Variants in SRBD1 observed in about 807,000 individuals in gnomAD.
SRBD1 encodes S1 RNA binding domain 1.
In SRBD1, 88 loss-of-function variants were observed where a neutral mutation model predicts 115.3. That is an observed-to-expected ratio of 0.76 (90% CI 0.64 to 0.91). The LOEUF (loss-of-function observed/expected upper bound fraction) is 0.91, where lower values mean the gene tolerates loss of function less well. Ranked by LOEUF, SRBD1 falls within the 40% of genes least tolerant of loss-of-function variation. The pLI is 0.00. For missense variants in SRBD1, 1,385 were observed against 1,177.4 expected, an observed-to-expected ratio of 1.18 and a Z score of -2.58; for synonymous variants, 509 against 407.7, an observed-to-expected ratio of 1.25 and a Z score of -2.99.
rs375141319 is a variant in SRBD1, at chr2:45,562,679, T to C, written c.1383A>G (p.Glu461=). 1.4e-5 allele frequency: 23 copies of C among 1,610,210 alleles called. No homozygotes were observed. The highest frequency in any genetic ancestry group is 1.8e-5 in the Non-Finnish European group (21 of 1,179,112). Residue 461 remains glutamate (E), a synonymous_variant, in exon 10 of 21, where the codon GAA becomes GAG. Coordinates refer to ENST00000263736, the MANE Select transcript of SRBD1 (RefSeq NM_018079.5). Reference sequence around the variant, plus strand: ...TGTTTTGGATGCACCACCTACAGAATTCATCCTTCACTCCATCAGAAATAT... The same window carrying C: ...TGTTTTGGATGCACCACCTACAGAACTCATCCTTCACTCCATCAGAAATAT... The part of the protein sequence containing the change: ...KVNISDGVKD[E]FCRWCIQNRW...
At chr2:45,528,219 G>C (rs933771641) in intron 14 of SRBD1, among the ~76,000 whole-genome samples, 2 of 151,832 alleles carry the variant, frequency 1.3e-5, no homozygotes, top group Non-Finnish European at 1.5e-5. Context: ...ATAAATGCTT[G>C]AATGATGAAC....
intron 16 of SRBD1, among the ~76,000 whole-genome samples, chr2:45,468,728 G>C (rs1669564896): frequency 6.6e-6 from 1 of 152,074 alleles, no homozygotes; most frequent in African/African-American, 2.4e-5. Context: ...GTTCATTTTA[G>C]AGAATTTTTC....
At chr2:45,474,203 T>C (rs775674448) in intron 16 of SRBD1, among the ~76,000 whole-genome samples, 1 of 152,248 alleles carries the variant, frequency 6.6e-6, no homozygotes, top group Non-Finnish European at 1.5e-5. Flanking sequence ...AAAGTCTCTG[T>C]TACTTATTCA....
intron 14 of SRBD1, among the ~76,000 whole-genome samples, chr2:45,534,796 T>G (rs1671717213): frequency 1.3e-5 from 2 of 152,046 alleles, no homozygotes; most frequent in South Asian, 2.1e-4. Context: ...AAATAGATCT[T>G]AAGTTATATA....
chr2:45,422,365 G>A (rs1167181524), intron 16 of SRBD1, among the ~76,000 whole-genome samples: 1 of 152,098 alleles, frequency 6.6e-6, no homozygotes, highest in Admixed American at 6.6e-5. Context: ...ATATGCTTTG[G>A]AAAAGCTGGT....
chr2:45,396,046 T>C (rs1667137733), intron 19 of SRBD1, among the ~76,000 whole-genome samples: 1 of 152,100 alleles, frequency 6.6e-6, no homozygotes, highest in South Asian at 2.1e-4. Flanking sequence ...TAGTGATAAA[T>C]ATCTGTCAGA....
At chr2:45,495,780 T>A (rs181336962) in intron 14 of SRBD1, among the ~76,000 whole-genome samples, 2 of 152,166 alleles carry the variant, frequency 1.3e-5, no homozygotes, top group Admixed American at 1.3e-4. Context: ...AACAGTACTA[T>A]AAACATTCCA....
intron 16 of SRBD1, among the ~76,000 whole-genome samples, chr2:45,465,273 C>T (rs866823817): frequency 7.2e-5 from 11 of 151,942 alleles, no homozygotes; most frequent in Non-Finnish European, 1.5e-4. Flanking sequence ...AACAATGACA[C>T]GGAAAAAAAG....
chr2:45,544,503 A>G (rs1304078727), intron 14 of SRBD1, among the ~76,000 whole-genome samples: 2 of 152,136 alleles, frequency 1.3e-5, no homozygotes, highest in Non-Finnish European at 2.9e-5. Flanking sequence ...TAGCCCACAT[A>G]CTTCACTTCA....
At chr2:45,452,792 G>T (rs1344294163) in intron 16 of SRBD1, among the ~76,000 whole-genome samples, 3 of 151,582 alleles carry the variant, frequency 2.0e-5, no homozygotes, top group Admixed American at 6.6e-5. Flanking sequence ...TGGTTGTGGT[G>T]GGGGGGCGTA....
At chr2:45,479,268 C>G (rs770143156) in intron 15 of SRBD1, among the ~76,000 whole-genome samples, 1 of 152,094 alleles carries the variant, frequency 6.6e-6, no homozygotes, top group South Asian at 2.1e-4. Context: ...AAGGAAGAGT[C>G]GCACGTCTCT....
chr2:45,550,988 C>T, intron 12 of SRBD1, 137 bp downstream of exon 12: 1 of 922,422 alleles, frequency 1.1e-6, no homozygotes, highest in Non-Finnish European at 1.5e-6. Context: ...TATCTGGTTC[C>T]CAACACCCCT....
At chr2:45,414,248 A>T (rs1301631502) in intron 18 of SRBD1, among the ~76,000 whole-genome samples, 1 of 152,152 alleles carries the variant, frequency 6.6e-6, no homozygotes, top group Non-Finnish European at 1.5e-5. Flanking sequence ...CTTAAGTATA[A>T]CCCATACCAA....
intron 5 of SRBD1, among the ~76,000 whole-genome samples, chr2:45,583,036 C>A (rs1024731752): frequency 1.3e-5 from 2 of 152,142 alleles, no homozygotes; most frequent in Admixed American, 6.5e-5. Flanking sequence ...AACAGGTTTT[C>A]ACTGTGAATA....
chr2:45,426,586 T>A (rs1668162204), intron 16 of SRBD1, among the ~76,000 whole-genome samples: 1 of 152,054 alleles, frequency 6.6e-6, no homozygotes, highest in South Asian at 2.1e-4. Context: ...TCGATAGACA[T>A]CTCATACAGG....
At chr2:45,568,834 T>G (rs1472567162) in intron 9 of SRBD1, among the ~76,000 whole-genome samples, 1 of 152,248 alleles carries the variant, frequency 6.6e-6, no homozygotes, top group African/African-American at 2.4e-5. Flanking sequence ...ACTTAGTCAC[T>G]GGTACTATTA....
chr2:45,542,349 G>C (rs1260826976), intron 14 of SRBD1, among the ~76,000 whole-genome samples: 2 of 152,240 alleles, frequency 1.3e-5, no homozygotes, highest in Non-Finnish European at 2.9e-5. Context: ...GCCTGCAGGG[G>C]AAGGGGCATC....
chr2:45,422,505 A>G (rs1237655582), intron 16 of SRBD1, among the ~76,000 whole-genome samples: 2 of 152,272 alleles, frequency 1.3e-5, no homozygotes, highest in Non-Finnish European at 2.9e-5. Context: ...GGAATAGAAT[A>G]AACCACATAC....
rs1672296652 is a variant in SRBD1 at position 45,551,430 on chromosome 2, TGA to T, written c.1518-150_1518-149del. The T allele has an allele frequency of 1.6e-5, 13 of 833,808 alleles. 1 individual carries two copies. In the South Asian group the frequency reaches 2.5e-4, roughly 16 times the overall value. 51.7% of individuals were successfully genotyped at this position (833,808 alleles called of 1,614,324 possible). On this transcript the variant is annotated intron_variant, in intron 11 of 20. Coordinates refer to ENST00000263736, the MANE Select transcript of SRBD1 (RefSeq NM_018079.5). ...AGAGAAAAATATACAAAAATTATAT[TGA>T]GTCTATTTTCACTAATCACAGTAAT...
Sources: gnomAD v4.1 joint callset for allele counts (sites outside exome capture counted in the v4.1 genomes callset) on GRCh38, gnomAD v4.1.1 for gene constraint, MANE v1.5 for transcripts, NCBI Gene and HGNC (gene_info 2026-07-23, HGNC 2026-07-21) for gene names.